Variants in ING5 observed in about 807,000 individuals in gnomAD.
The protein encoded by ING5 is inhibitor of growth protein 5.
ING5 carries 17 observed loss-of-function variants against 37.4 expected under a neutral mutation model. The ratio of observed to expected loss-of-function variants is 0.45; its 90% CI spans 0.31 to 0.68. The LOEUF (loss-of-function observed/expected upper bound fraction) is 0.68, where lower values mean the gene tolerates loss of function less well. ING5 is among the 30% of genes least tolerant of loss of function. The pLI, the probability that ING5 is intolerant of heterozygous loss-of-function variation, is 0.05. For missense variants in ING5, 233 were observed against 311.9 expected, an observed-to-expected ratio of 0.75 and a Z score of 1.91; for synonymous variants, 123 against 116.6, an observed-to-expected ratio of 1.06 and a Z score of -0.36.
intron 2 of ING5, among the ~76,000 whole-genome samples, chr2:241,693,517 C>T (rs1347026819): frequency 6.6e-6 from 1 of 152,064 alleles, no homozygotes; most frequent in Non-Finnish European, 1.5e-5. Context: ...GCAACCCAGC[C>T]TTGACCAGGC....
chr2:241,716,807 C>T (rs1001723339), intron 5 of ING5, among the ~76,000 whole-genome samples: 4 of 152,114 alleles, frequency 2.6e-5, no homozygotes, highest in African/African-American at 7.2e-5. Context: ...ACGTGAAACA[C>T]GCCTTAAAAT....
At chr2:241,711,107 T>G (rs2070099594) in intron 3 of ING5, among the ~76,000 whole-genome samples, 1 of 152,228 alleles carries the variant, frequency 6.6e-6, no homozygotes, top group South Asian at 2.1e-4. Flanking sequence ...CCTTGTTCAC[T>G]GCATTTCACA....
At position 241,692,466 on chromosome 2, in the gene ING5, CT is replaced by C. The variant is rs577054689; in HGVS notation, c.43+1827del. Among the ~76,000 whole-genome samples, 1,028 of 143,260 alleles carry C rather than the reference CT, an allele frequency of 7.2e-3. 2 individuals carry two copies. Among genetic ancestry groups the C allele is most frequent in the Middle Eastern group, 0.021 (6 of 282 alleles). 94.0% of individuals were successfully genotyped at this position (143,260 alleles called of 152,430 possible). On this transcript the variant is annotated intron_variant, in intron 2 of 7. Coordinates refer to the ING5 transcript ENST00000636051. ...TGGAACTACAGGCACACACATCTGGCTTTTTTTTTTTTTTAAATACTGACGG... is the reference window on the plus strand; with the variant it reads ...TGGAACTACAGGCACACACATCTGGCTTTTTTTTTTTTTAAATACTGACGG...
upstream of ING5, among the ~76,000 whole-genome samples, chr2:241,700,160 T>G (rs569175185): frequency 2.9e-4 from 42 of 145,776 alleles, no homozygotes; most frequent in African/African-American, 8.7e-4. Context: ...GTTTTTTTTT[T>G]TTTTTTTTTT....
Position 241,706,666 on chromosome 2 carries a change from C to A in ING5, c.109+1942C>A, listed in dbSNP as rs551096890. ...AAAGAAAAAAAGGAAGGTAGATTTT[C>A]TTGTAACATTGCATGTCTGAAAATG... On this transcript the variant is annotated intron_variant, in intron 2 of 7. Coordinates refer to ENST00000313552, the MANE Select transcript of ING5 (RefSeq NM_032329.6). Among the ~76,000 whole-genome samples, 89 of 149,248 alleles carry A rather than the reference C, an allele frequency of 6.0e-4. 1 individual carries two copies. The highest frequency in any genetic ancestry group is 2.0e-3 in the African/African-American group (81 of 40,960).
Position 241,725,065 on chromosome 2 carries a change from TA to T in ING5, c.*36del, listed in dbSNP as rs1691559264. 1 of 1,607,088 alleles carries T rather than the reference TA, an allele frequency of 6.2e-7. No individual in the cohort carries two copies. Among genetic ancestry groups the T allele is most frequent in the Admixed American group, 1.7e-5 (1 of 60,000 alleles). ...GTGTGCCCGGATCCGAGGAGCAAGT[TA>T]ATCTGTCCCTTCATTCGTGTCGCAA... On this transcript the variant is annotated 3_prime_UTR_variant, in exon 8 of 8. Coordinates refer to ENST00000313552, the MANE Select transcript of ING5 (RefSeq NM_032329.6).
At chr2:241,701,986 G>T, upstream of ING5, 1 of 1,066,050 alleles carries the variant, frequency 9.4e-7, no homozygotes, top group South Asian at 2.5e-5. Context: ...CATGAATAGT[G>T]AGCGCGCTGG....
intron 2 of ING5, among the ~76,000 whole-genome samples, chr2:241,693,721 A>G (rs2069591797): frequency 1.5e-5 from 2 of 129,808 alleles, no homozygotes; most frequent in East Asian, 2.4e-4. Context: ...GCAATGGCGC[A>G]GTCTCGGCTA....
intron 5 of ING5, among the ~76,000 whole-genome samples, chr2:241,715,936 TG>T (rs1421106433): frequency 6.6e-6 from 1 of 151,934 alleles, no homozygotes; most frequent in Non-Finnish European, 1.5e-5. Flanking sequence ...ATTACATAAT[TG>T]AAATCCTTTG....
chr2:241,719,381 A>C (rs1205449982), intron 5 of ING5: 858 of 520,226 alleles, frequency 1.6e-3, no homozygotes, highest in East Asian at 3.4e-3. Context: ...AACACCCCCC[A>C]CTCTGGCTGC....
intron 3 of ING5, among the ~76,000 whole-genome samples, chr2:241,709,646 G>A (rs540847616): frequency 6.8e-6 from 1 of 146,472 alleles, no homozygotes; most frequent in Non-Finnish European, 1.5e-5. Flanking sequence ...TCACTTTGTC[G>A]TCCACGGTGG....
At chr2:241,702,457 C>A (rs1269730445) in intron 1 of ING5, among the ~76,000 whole-genome samples, 5 of 152,008 alleles carry the variant, frequency 3.3e-5, no homozygotes, top group Admixed American at 1.3e-4. Context: ...GCCCCGGCCC[C>A]GCCAGGTCCC....
intron 5 of ING5, among the ~76,000 whole-genome samples, chr2:241,713,213 T>C (rs1236106220): frequency 1.3e-5 from 2 of 149,232 alleles, no homozygotes; most frequent in African/African-American, 2.5e-5. Flanking sequence ...CGCACCACCA[T>C]GCCCGGCTAA....
At chr2:241,720,887 C>T (rs771405950) in intron 5 of ING5, 11 of 985,620 alleles carry the variant, frequency 1.1e-5, no homozygotes, top group Admixed American at 6.1e-5. Flanking sequence ...CTCCCTCAGG[C>T]GAGACTGAGA....
At chr2:241,719,485 G>A (rs924975283) in intron 5 of ING5, 1 of 1,393,840 alleles carries the variant, frequency 7.2e-7, no homozygotes, top group African/African-American at 1.4e-5. Flanking sequence ...TAACTCAGTG[G>A]CAACAGCGTT....
chr2:241,721,530 T>C (rs2070436191), intron 5 of ING5: 6 of 985,318 alleles, frequency 6.1e-6, no homozygotes, highest in Middle Eastern at 5.2e-4. Flanking sequence ...GTAGAAAAGC[T>C]TTAGACAGGT....
intron 2 of ING5, among the ~76,000 whole-genome samples, chr2:241,693,495 A>G (rs2069587819): frequency 1.3e-5 from 2 of 151,842 alleles, no homozygotes; most frequent in Non-Finnish European, 2.9e-5. Context: ...GCTCTCCGAC[A>G]TACCCCTTGT....
intron 5 of ING5, among the ~76,000 whole-genome samples, chr2:241,718,925 T>C (rs752349543): frequency 1.4e-4 from 21 of 152,200 alleles, no homozygotes; most frequent in Non-Finnish European, 2.4e-4. Flanking sequence ...TGAGGGTACA[T>C]GTCTCATGAT....
At chr2:241,710,165 G>T (rs963917821) in intron 3 of ING5, among the ~76,000 whole-genome samples, 3 of 151,984 alleles carry the variant, frequency 2.0e-5, no homozygotes, top group Admixed American at 2.0e-4. Flanking sequence ...GGAGTGCAAT[G>T]GTGCTATCTC....
Sources: allele counts gnomAD v4.1 joint callset (sites outside exome capture counted in the v4.1 genomes callset), GRCh38; gene constraint gnomAD v4.1.1; transcripts MANE v1.5; gene names NCBI Gene and HGNC (gene_info 2026-07-23, HGNC 2026-07-21).